The following CNTNAP2 variants were observed in gnomAD, a reference collection of about 807,000 sequenced individuals.
The protein encoded by CNTNAP2 is contactin associated protein 2, also known as contactin-associated protein-like 2.
A neutral mutation model predicts 155.2 loss-of-function variants in CNTNAP2; 98 were observed. The observed-to-expected ratio is 0.63, with a 90% CI of 0.54 to 0.75. The LOEUF (loss-of-function observed/expected upper bound fraction) is 0.75, where lower values mean the gene tolerates loss of function less well. Among genes scored for constraint, CNTNAP2 ranks in the 30% least tolerant of loss-of-function variants. The pLI is 0.00. For missense variants in CNTNAP2, 1,727 were observed against 1,688.1 expected (o/e 1.02, Z -0.40); for synonymous variants, 651 against 631.2 (o/e 1.03, Z -0.47).
chr7:148,286,334 C>G (rs58797666), intron 21 of CNTNAP2, among the ~76,000 whole-genome samples: 2 of 152,098 alleles, frequency 1.3e-5, no homozygotes, highest in Admixed American at 6.5e-5. Flanking sequence ...TCCTAGTGCT[C>G]TCATCGGCTT....
chr7:147,183,780 A>T (rs1354829365), intron 8 of CNTNAP2, among the ~76,000 whole-genome samples: 1 of 152,034 alleles, frequency 6.6e-6, no homozygotes, highest in Admixed American at 6.5e-5. Context: ...CTCAGAATGG[A>T]GATTACTACC....
At chr7:147,532,055 C>T (rs1799444674) in intron 11 of CNTNAP2, among the ~76,000 whole-genome samples, 1 of 152,140 alleles carries the variant, frequency 6.6e-6, no homozygotes, top group African/African-American at 2.4e-5. Flanking sequence ...GATCTGCCCG[C>T]CTCGGCCTCC....
intron 1 of CNTNAP2, among the ~76,000 whole-genome samples, chr7:146,364,505 A>G (rs1795128376): frequency 1.3e-5 from 2 of 152,176 alleles, no homozygotes; most frequent in African/African-American, 4.8e-5. Context: ...ATGAGTATTA[A>G]TTATAAACTT....
At chr7:147,923,229 T>G (rs1247226894) in intron 14 of CNTNAP2, among the ~76,000 whole-genome samples, 1 of 152,182 alleles carries the variant, frequency 6.6e-6, no homozygotes, top group African/African-American at 2.4e-5. Flanking sequence ...ACATAGAGTC[T>G]TTACAGATGT....
At chr7:147,339,591 G>A (rs1001060665) in intron 9 of CNTNAP2, among the ~76,000 whole-genome samples, 14 of 151,846 alleles carry the variant, frequency 9.2e-5, no homozygotes, top group Non-Finnish European at 1.6e-4. Flanking sequence ...AAACTAAGAC[G>A]AGTACTAAAA....
intron 10 of CNTNAP2, among the ~76,000 whole-genome samples, chr7:147,414,877 G>T (rs957826244): frequency 1.4e-5 from 2 of 143,922 alleles, no homozygotes; most frequent in Non-Finnish European, 3.0e-5. Context: ...GGGGGGTGGA[G>T]CCTGCAGTGA....
At chr7:147,302,414 CA>C (rs1410504387) in intron 9 of CNTNAP2, among the ~76,000 whole-genome samples, 3 of 152,212 alleles carry the variant, frequency 2.0e-5, no homozygotes, top group Admixed American at 2.0e-4. Flanking sequence ...CATCAGTTTA[CA>C]GATTCTGGTT....
At chr7:147,054,236 C>T (rs1405892079) in intron 4 of CNTNAP2, among the ~76,000 whole-genome samples, 1 of 152,086 alleles carries the variant, frequency 6.6e-6, no homozygotes, top group Admixed American at 6.6e-5. Flanking sequence ...AGGAGATATC[C>T]AGTAAGAAAA....
At position 147,227,658 on chromosome 7, in the gene CNTNAP2, T is replaced by C. The variant is rs187667461; in HGVS notation, c.1349-72483T>C. Among the ~76,000 whole-genome samples, 407 of 152,266 alleles carry C rather than the reference T, an allele frequency of 2.7e-3. 1 individual carries two copies. Among genetic ancestry groups the C allele is most frequent in the African/African-American group, 9.2e-3 (381 of 41,552 alleles). On this transcript the variant is annotated intron_variant, in intron 8 of 23. Coordinates refer to ENST00000361727, the MANE Select transcript of CNTNAP2 (RefSeq NM_014141.6). The stretch of plus-strand genomic sequence containing the variant: ...CCCTGGAGTATTAGAAAGTTCAAAG[T>C]TGTCATAAATTGAGATGGCAAAGGT...
At chr7:147,540,799 C>G (rs190143982) in intron 11 of CNTNAP2, among the ~76,000 whole-genome samples, 47 of 151,298 alleles carry the variant, frequency 3.1e-4, no homozygotes, top group Admixed American at 2.0e-3. Context: ...CCACTGCAAT[C>G]CAGCCTGGTG....
chr7:146,893,345 G>A (rs934022795), intron 3 of CNTNAP2, among the ~76,000 whole-genome samples: 1 of 151,282 alleles, frequency 6.6e-6, no homozygotes, highest in Non-Finnish European at 1.5e-5. Flanking sequence ...AATATATATA[G>A]GTAAATAGAT....
intron 11 of CNTNAP2, among the ~76,000 whole-genome samples, chr7:147,504,916 G>A (rs1421307730): frequency 6.6e-6 from 1 of 151,826 alleles, no homozygotes; most frequent in African/African-American, 2.4e-5. Flanking sequence ...CATTTTGAAT[G>A]TGATTAAATA....
At chr7:147,445,064 G>A (rs890287389) in intron 10 of CNTNAP2, among the ~76,000 whole-genome samples, 12 of 152,156 alleles carry the variant, frequency 7.9e-5, no homozygotes, top group South Asian at 2.1e-4. Flanking sequence ...AGAAGAATCC[G>A]CCCCCATGAT....
intron 1 of CNTNAP2, among the ~76,000 whole-genome samples, chr7:146,424,380 C>T (rs1469782061): frequency 6.6e-6 from 1 of 152,164 alleles, no homozygotes; most frequent in Non-Finnish European, 1.5e-5. Context: ...GTGCAACCTT[C>T]CAAGAAGCTT....
intron 1 of CNTNAP2, among the ~76,000 whole-genome samples, chr7:146,441,201 T>A (rs764030940): frequency 6.6e-6 from 1 of 151,618 alleles, no homozygotes; most frequent in Non-Finnish European, 1.5e-5. Flanking sequence ...GTAATGAGTG[T>A]GACTGTCAGG....
chr7:146,201,965 C>T (rs1488624957), intron 1 of CNTNAP2, among the ~76,000 whole-genome samples: 2 of 132,662 alleles, frequency 1.5e-5, no homozygotes, highest in South Asian at 2.3e-4. Flanking sequence ...CAAATCAAAT[C>T]GACAAAAAAG....
chr7:146,232,736 A>G (rs1466077055), intron 1 of CNTNAP2, among the ~76,000 whole-genome samples: 4 of 152,162 alleles, frequency 2.6e-5, no homozygotes, highest in Non-Finnish European at 5.9e-5. Context: ...CTCTGCACTT[A>G]TTATGTGCCT....
intron 3 of CNTNAP2, among the ~76,000 whole-genome samples, chr7:146,956,882 A>T (rs1797448470): frequency 6.6e-6 from 1 of 152,166 alleles, no homozygotes; most frequent in Non-Finnish European, 1.5e-5. Flanking sequence ...CATTAAACTT[A>T]AGGGGATTTA....
intron 16 of CNTNAP2, among the ~76,000 whole-genome samples, chr7:148,142,512 A>T (rs1376385093): frequency 6.6e-6 from 1 of 152,234 alleles, no homozygotes; most frequent in African/African-American, 2.4e-5. Flanking sequence ...TTTATTGTAC[A>T]GAAGATCCCC....
Sources: allele counts gnomAD v4.1 joint callset (sites outside exome capture counted in the v4.1 genomes callset), GRCh38; gene constraint gnomAD v4.1.1; transcripts MANE v1.5; gene names NCBI Gene and HGNC (gene_info 2026-07-23, HGNC 2026-07-21).